CTDP1: variants seen among roughly 807,000 people sequenced by gnomAD.
CTDP1 encodes CTD phosphatase 1.
A neutral mutation model predicts 91.8 loss-of-function variants in CTDP1; 47 were observed. The ratio of observed to expected loss-of-function variants is 0.51; its 90% confidence interval spans 0.41 to 0.65. The LOEUF (loss-of-function observed/expected upper bound fraction) is 0.65, where lower values mean the gene tolerates loss of function less well. Ranked by LOEUF, CTDP1 falls within the 30% of genes least tolerant of loss-of-function variation. CTDP1 has a pLI of 0.00. For missense variants in CTDP1, 1,272 were observed against 1,373.7 expected (o/e 0.93, Z 1.17); for synonymous variants, 656 against 598.5 (o/e 1.10, Z -1.40).
rs2085332052 is a variant in CTDP1 at position 79,680,259 on chromosome 18, A to G, written c.312A>G (p.Pro104=). The G allele has an allele frequency of 2.3e-6, 3 of 1,287,428 alleles. No homozygotes were observed. The highest frequency in any genetic ancestry group is 2.9e-6 in the Non-Finnish European group (3 of 1,021,124). The allele number at this position is 1,287,428 out of a possible 1,614,324, so 79.8% of individuals were successfully genotyped here. A position where few individuals can be genotyped will look rare whatever the true frequency, so the allele number is the denominator to read the frequency against. ...LCAQPGQVVA[P]GAVLVRLEGC... Reference sequence around the variant, plus strand: ...CGCAGCCGGGCCAGGTGGTCGCCCCAGGGTGAGTGTGCTGAGCCGGGCGGG... The same window carrying G: ...CGCAGCCGGGCCAGGTGGTCGCCCCGGGGTGAGTGTGCTGAGCCGGGCGGG... The change falls in exon 1 of 13, where the codon CCA becomes CCG. Residue 104 remains proline (P), a splice_region_variant and synonymous_variant. Transcript: ENST00000613122.
At chr18:79,682,123 C>A (rs543003876) in intron 1 of CTDP1, among the ~76,000 whole-genome samples, 3 of 152,306 alleles carry the variant, frequency 2.0e-5, no homozygotes, top group East Asian at 3.9e-4. Context: ...CATTAGCCAG[C>A]TGAATTCGGG....
chr18:79,751,478 T>G (rs183765789), intron 12 of CTDP1, among the ~76,000 whole-genome samples: 6 of 152,252 alleles, frequency 3.9e-5, no homozygotes, highest in Non-Finnish European at 8.8e-5. Flanking sequence ...AACAGTTGGG[T>G]TCTCTGAACG....
At position 79,713,726 on chromosome 18, in the gene CTDP1, C is replaced by G. The variant is rs2086129122; in HGVS notation, c.1030+588C>G. Among the ~76,000 whole-genome samples the G allele has an allele frequency of 6.6e-6, 1 of 152,242 alleles. No homozygotes were observed. The highest frequency in any genetic ancestry group is 2.1e-4 in the South Asian group (1 of 4,836). On this transcript the variant is annotated intron_variant, in intron 7 of 12. Transcript: ENST00000613122. This position sits in a 1 kb window ranked among gnomAD's most constrained non-coding sequence, Gnocchi z 4.7. ...AGGTTAGGACCAGGGGAGGGTGAAACTAGGGGCATTCCTGTAGAAGGTAGA... is the reference window on the plus strand; with the variant it reads ...AGGTTAGGACCAGGGGAGGGTGAAAGTAGGGGCATTCCTGTAGAAGGTAGA...
intron 6 of CTDP1, 50 bp from the exon 7 acceptor site, chr18:79,712,922 C>A: frequency 1.3e-6 from 2 of 1,590,750 alleles, no homozygotes; most frequent in Non-Finnish European, 1.7e-6. Context: ...AGATGAATGA[C>A]TACAACTTTT....
chr18:79,709,707 G>A (rs1256082226), intron 5 of CTDP1, among the ~76,000 whole-genome samples: 1 of 152,212 alleles, frequency 6.6e-6, no homozygotes, highest in African/African-American at 2.4e-5. Context: ...AGTCTCCTCT[G>A]TCAGGCAGGC....
intron 5 of CTDP1, among the ~76,000 whole-genome samples, 196 bp downstream of exon 5, chr18:79,705,113 G>C (rs762260645): frequency 6.4e-4 from 97 of 152,306 alleles, no homozygotes; most frequent in Middle Eastern, 3.4e-3. Context: ...GGCCGCGGCT[G>C]CTCTGGCCGG....
intron 1 of CTDP1, among the ~76,000 whole-genome samples, chr18:79,694,566 C>T: frequency 6.8e-6 from 1 of 148,130 alleles, no homozygotes; most frequent in East Asian, 2.0e-4. Context: ...GGGTCAGGCG[C>T]TGAGTGCTGG....
intron 4 of CTDP1, among the ~76,000 whole-genome samples, chr18:79,698,935 A>G (rs951685233): frequency 6.6e-6 from 1 of 152,200 alleles, no homozygotes; most frequent in African/African-American, 2.4e-5. Context: ...GACAAGCTTC[A>G]TCTGGAAGAA....
chr18:79,725,336 G>A (rs899620438), intron 10 of CTDP1, among the ~76,000 whole-genome samples: 1 of 152,206 alleles, frequency 6.6e-6, no homozygotes, highest in African/African-American at 2.4e-5. Context: ...CTGCGGACTT[G>A]CCCCTTCCTT....
rs2086184351 is a variant in CTDP1 at position 79,715,373 on chromosome 18, C to T, written c.1913C>T (p.Ala638Val). The change falls in exon 8 of 13, where the codon GCC (alanine) becomes GTC (valine). Residue 638 changes from alanine (A) to valine (V), a missense_variant. This residue lies in a region of CTDP1 where 881 missense variants were observed against 911.6 expected (regional missense o/e 0.97). Coordinates refer to ENST00000613122, the MANE Select transcript of CTDP1 (RefSeq NM_004715.5). The part of the protein sequence containing the change: ...ELKSKVLADV[A>V]IIFSGLHPTN... ...AAGAGCAAGGTGCTGGCAGACGTGG[C>T]CATAATTTTCAGTGGGCTACACCCG... is the stretch of plus-strand genomic sequence containing the variant. 1.9e-6 allele frequency: 3 copies of T among 1,607,886 alleles called. No homozygotes were observed. The highest frequency in any genetic ancestry group is 2.2e-5 in the East Asian group (1 of 44,634).
At position 79,680,409 on chromosome 18, in the gene CTDP1, A is replaced by G. The variant is rs549977610; in HGVS notation, c.314+148A>G. 6 of 590,990 alleles carry G rather than the reference A, an allele frequency of 1.0e-5. No homozygotes were observed. The East Asian group carries it at 2.2e-4, about 22-fold the overall frequency. The allele number at this position is 590,990 out of a possible 1,614,324, so 36.6% of individuals were successfully genotyped here. Reference sequence around the variant, plus strand: ...GACGCAGGCACTGCGCTTCTCCCCTAAAACTGGATAGTCACCACCTGTGGT... The same window carrying G: ...GACGCAGGCACTGCGCTTCTCCCCTGAAACTGGATAGTCACCACCTGTGGT... On this transcript the variant is annotated intron_variant, in intron 1 of 12. Coordinates refer to ENST00000613122, the MANE Select transcript of CTDP1 (RefSeq NM_004715.5).
At chr18:79,704,944 C>A in intron 5 of CTDP1, 27 bp downstream of exon 5, 1 of 1,611,908 alleles carries the variant, frequency 6.2e-7, no homozygotes, top group Non-Finnish European at 8.5e-7. Flanking sequence ...CCGAAGAGGC[C>A]GTGTGAACAG....
chr18:79,714,980 G>A lies in CTDP1; in HGVS notation c.1520G>A (p.Arg507Gln), dbSNP rs755089971. 2.4e-5 allele frequency: 38 copies of A among 1,573,622 alleles called. No homozygotes were observed. In the South Asian group the frequency reaches 2.8e-4, roughly 12 times the overall value. ...CAGGGCAGTTCCCTGGAGCCGGGGC[G>A]GCCTGCAGCACCGAGTCTCCCCGGA... ...LAQGSSLEPG[R>Q]PAAPSLPGEA... Residue 507 changes from arginine (R) to glutamine (Q), a missense_variant, in exon 8 of 13, where the codon CGG (arginine) becomes CAG (glutamine). Coordinates refer to ENST00000613122, the MANE Select transcript of CTDP1 (RefSeq NM_004715.5).
chr18:79,705,050 G>A (rs2085939738), intron 5 of CTDP1, 133 bp downstream of exon 5: 2 of 1,391,274 alleles, frequency 1.4e-6, no homozygotes, highest in Non-Finnish European at 9.8e-7. Context: ...GTTGGCCGTT[G>A]TGCAGGGGGT....
intron 9 of CTDP1, 62 bp downstream of exon 9, chr18:79,717,738 T>A (rs2086246280): frequency 6.2e-7 from 1 of 1,613,670 alleles, no homozygotes; most frequent in South Asian, 1.1e-5. Flanking sequence ...CAGCTGTTGG[T>A]TCATGCACCT....
At chr18:79,736,241 C>A in intron 11 of CTDP1, 114 bp from the exon 12 acceptor site, 1 of 1,364,882 alleles carries the variant, frequency 7.3e-7, no homozygotes, top group Non-Finnish European at 1.0e-6. Flanking sequence ...CAGAGTGCTA[C>A]CTCCAGCCCC....
intron 8 of CTDP1, among the ~76,000 whole-genome samples, chr18:79,716,459 G>T (rs1252790428): frequency 6.6e-6 from 1 of 152,228 alleles, no homozygotes; most frequent in African/African-American, 2.4e-5. Context: ...TAGCTGCAGG[G>T]CAGAGGCGGG....
intron 1 of CTDP1, 93 bp downstream of exon 1, chr18:79,680,354 G>T: frequency 9.4e-7 from 1 of 1,062,082 alleles, no homozygotes; most frequent in Non-Finnish European, 1.2e-6. Context: ...GGTGGGCAGG[G>T]GCGCCCCTGG....
In CTDP1 at chr18:79,715,157, T is replaced by C; in HGVS notation, c.1697T>C (p.Val566Ala). 1.2e-6 allele frequency: 2 copies of C among 1,612,848 alleles called. No homozygotes were observed. The highest frequency in any genetic ancestry group is 1.7e-6 in the Non-Finnish European group (2 of 1,179,804). ...TESQNSELSG[V>A]TAGESLDQSM... ...TCACAGAACAGCGAGCTGTCGGGGG[T>C]CACTGCGGGTGAGTCCCTGGACCAG... The change falls in exon 8 of 13, where the codon GTC becomes GCC. Residue 566 changes from valine to alanine, a missense_variant. By Grantham distance (64) the Val-to-Ala change is moderately conservative. Around this residue, in one of 3 missense-constraint regions of CTDP1, gnomAD observed 881 missense variants for 911.6 expected, o/e 0.97. Transcript: ENST00000613122.
Sources: gnomAD v4.1 joint callset for allele counts (sites outside exome capture counted in the v4.1 genomes callset) on GRCh38, gnomAD v4.1.1 for gene constraint, gnomAD v4.1.1 regional missense constraint, Gnocchi (gnomAD v3.1) non-coding constraint, MANE v1.5 for transcripts, NCBI Gene and HGNC (gene_info 2026-07-23, HGNC 2026-07-21) for gene names.